Variants in MTHFD2L observed in about 807,000 individuals in gnomAD.
The protein encoded by MTHFD2L is bifunctional methylenetetrahydrofolate dehydrogenase/cyclohydrolase 2, mitochondrial.
MTHFD2L carries 29 observed loss-of-function variants against 34.9 expected under a neutral mutation model. That is an observed-to-expected ratio of 0.83 (90% CI 0.62 to 1.13). The LOEUF (loss-of-function observed/expected upper bound fraction) is 1.13. MTHFD2L is among the 50% of genes most tolerant of loss of function. MTHFD2L has a pLI of 0.00. For synonymous variants in MTHFD2L, 167 were observed against 155.7 expected (o/e 1.07, Z -0.54); for missense variants, 481 against 446.5 (o/e 1.08, Z -0.70).
intron 6 of MTHFD2L, among the ~76,000 whole-genome samples, chr4:74,265,711 A>G (rs1226162017): frequency 6.6e-6 from 1 of 152,204 alleles, no homozygotes; most frequent in Non-Finnish European, 1.5e-5. Flanking sequence ...TGCCATGGCT[A>G]GTATTTTTGT....
intron 1 of MTHFD2L, among the ~76,000 whole-genome samples, chr4:74,170,979 G>C (rs1259801121): frequency 7.9e-6 from 1 of 126,068 alleles, no homozygotes; most frequent in Non-Finnish European, 1.6e-5. Context: ...GGACTGTTGT[G>C]GGGTGGGGGG....
At chr4:74,133,235 G>A (rs1722681533) in intron 1 of MTHFD2L, among the ~76,000 whole-genome samples, 1 of 152,030 alleles carries the variant, frequency 6.6e-6, no homozygotes, top group African/African-American at 2.4e-5. Context: ...CTGCTTTCTG[G>A]ATCTTCTCTT....
chr4:74,126,359 T>C (rs1722071572), intron 1 of MTHFD2L, among the ~76,000 whole-genome samples: 1 of 152,118 alleles, frequency 6.6e-6, no homozygotes, highest in Admixed American at 6.6e-5. Flanking sequence ...GAAAGATTAA[T>C]AAAAAGAAGA....
At chr4:74,191,205 T>C (rs1388809265) in intron 3 of MTHFD2L, among the ~76,000 whole-genome samples, 1 of 152,176 alleles carries the variant, frequency 6.6e-6, no homozygotes, top group Non-Finnish European at 1.5e-5. Flanking sequence ...CGTGAGCCAC[T>C]GTGCCTGGTC....
At chr4:74,122,284 G>T (rs1163724681), upstream of MTHFD2L, among the ~76,000 whole-genome samples, 3 of 152,180 alleles carry the variant, frequency 2.0e-5, no homozygotes, top group Non-Finnish European at 4.4e-5. Flanking sequence ...AAGCATGGCT[G>T]GAAAGCCACA....
chr4:74,223,248 TAC>T (rs1012460716), intron 5 of MTHFD2L, among the ~76,000 whole-genome samples: 3 of 151,204 alleles, frequency 2.0e-5, no homozygotes, highest in Admixed American at 1.3e-4. Flanking sequence ...ACACACTACA[TAC>T]ACACACACAC....
chr4:74,269,018 T>G (rs183163974), intron 6 of MTHFD2L, among the ~76,000 whole-genome samples: 2 of 152,322 alleles, frequency 1.3e-5, no homozygotes, highest in African/African-American at 4.8e-5. Context: ...AATCCCTTGA[T>G]GAGAAAGACA....
At chr4:74,243,392 TGG>T (rs1191320717) in intron 6 of MTHFD2L, among the ~76,000 whole-genome samples, 2 of 152,072 alleles carry the variant, frequency 1.3e-5, no homozygotes, top group African/African-American at 4.8e-5. Context: ...CTAAATGGGG[TGG>T]GATTGTTATG....
At chr4:74,172,311 A>G (rs1728175339) in intron 1 of MTHFD2L, among the ~76,000 whole-genome samples, 1 of 152,228 alleles carries the variant, frequency 6.6e-6, no homozygotes, top group South Asian at 2.1e-4. Context: ...TTAAACTTGT[A>G]CATGTTAAAT....
intron 3 of MTHFD2L, chr4:74,183,761 A>G (rs1365437495): frequency 6.6e-6 from 1 of 152,094 alleles, no homozygotes; most frequent in East Asian, 1.9e-4. Context: ...GGAAGTGGTA[A>G]CTACCTGAAT....
chr4:74,190,580 G>A (rs1732301912), intron 3 of MTHFD2L: 2 of 925,358 alleles, frequency 2.2e-6, no homozygotes, highest in Non-Finnish European at 2.6e-6. Flanking sequence ...GTAGCTCAGC[G>A]AGGTTAGAGT....
At chr4:74,144,457 C>CA (rs1371268904) in intron 1 of MTHFD2L, among the ~76,000 whole-genome samples, 9 of 151,588 alleles carry the variant, frequency 5.9e-5, no homozygotes, top group Non-Finnish European at 5.9e-5. Context: ...TCTCAAAAAA[C>CA]AAAAAAACAA....
intron 1 of MTHFD2L, among the ~76,000 whole-genome samples, chr4:74,144,318 T>C (rs1017470562): frequency 3.9e-5 from 6 of 152,122 alleles, no homozygotes; most frequent in African/African-American, 1.4e-4. Context: ...CTGGGCATGG[T>C]GGCAGGCGCC....
intron 3 of MTHFD2L, among the ~76,000 whole-genome samples, chr4:74,182,182 C>A (rs1465270695): frequency 6.6e-6 from 1 of 152,164 alleles, no homozygotes; most frequent in Non-Finnish European, 1.5e-5. Context: ...AATAATTCCA[C>A]ATAGGGAGAA....
chr4:74,148,389 TTATCTATC>T (rs142284412), intron 1 of MTHFD2L, among the ~76,000 whole-genome samples: 73,688 of 117,160 alleles, frequency 0.63, 21,197 homozygotes, highest in East Asian at 0.69. Flanking sequence ...ATTTATTTAT[TTATCTATC>T]TATCTATTTA....
chr4:74,261,317 A>G (rs1033470522), intron 6 of MTHFD2L, among the ~76,000 whole-genome samples: 1 of 152,038 alleles, frequency 6.6e-6, no homozygotes, highest in Admixed American at 6.6e-5. Context: ...AAATGTAGGT[A>G]GTATCTACAG....
intron 6 of MTHFD2L, among the ~76,000 whole-genome samples, chr4:74,245,328 ATATGT>A (rs1391118450): frequency 6.6e-6 from 1 of 151,834 alleles, no homozygotes; most frequent in East Asian, 1.9e-4. Context: ...GTTAGTTGAA[ATATGT>A]TATTTATTTT....
At chr4:74,130,399 C>T (rs1344273967) in intron 1 of MTHFD2L, among the ~76,000 whole-genome samples, 1 of 152,040 alleles carries the variant, frequency 6.6e-6, no homozygotes, top group Non-Finnish European at 1.5e-5. Flanking sequence ...ATGATCATGT[C>T]CGCTTCATTC....
At chr4:74,256,149 C>T (rs529928296) in intron 6 of MTHFD2L, among the ~76,000 whole-genome samples, 1 of 152,292 alleles carries the variant, frequency 6.6e-6, no homozygotes, top group Non-Finnish European at 1.5e-5. Context: ...TTTCCCCCAG[C>T]CTCACCAGCA....
Sources: gnomAD v4.1 joint callset for allele counts (sites outside exome capture counted in the v4.1 genomes callset) on GRCh38, gnomAD v4.1.1 for gene constraint, MANE v1.5 for transcripts, NCBI Gene and HGNC (gene_info 2026-07-23, HGNC 2026-07-21) for gene names.